The following SUCLG2 variants were observed in gnomAD, a reference collection of about 807,000 sequenced individuals.
SUCLG2 encodes succinate--CoA ligase [GDP-forming] subunit beta, mitochondrial.
In SUCLG2, 42 loss-of-function variants were observed where a neutral mutation model predicts 47.9. The observed-to-expected ratio is 0.88, with a 90% CI of 0.69 to 1.14. The LOEUF (loss-of-function observed/expected upper bound fraction) is 1.14. SUCLG2 is among the 50% of genes most tolerant of loss of function. SUCLG2 has a pLI of 0.00. For synonymous variants in SUCLG2, 195 were observed against 197.3 expected (o/e 0.99, Z 0.10); for missense variants, 571 against 525.9 (o/e 1.09, Z -0.84).
chr3:67,382,472 G>A (rs943231672), intron 10 of SUCLG2, among the ~76,000 whole-genome samples: 1 of 152,164 alleles, frequency 6.6e-6, no homozygotes, highest in African/African-American at 2.4e-5. Flanking sequence ...ACCCTGACAG[G>A]TCTGATTCTT....
At chr3:67,584,466 A>G (rs1193034396) in intron 2 of SUCLG2, among the ~76,000 whole-genome samples, 2 of 152,252 alleles carry the variant, frequency 1.3e-5, no homozygotes, top group Non-Finnish European at 2.9e-5. Flanking sequence ...TGATGGTTAT[A>G]TAACTTGGTA....
intron 2 of SUCLG2, among the ~76,000 whole-genome samples, chr3:67,572,966 G>A (rs547641012): frequency 1.3e-5 from 2 of 152,130 alleles, no homozygotes; most frequent in African/African-American, 2.4e-5. Flanking sequence ...AACAAGAAAA[G>A]GAAGGTCACA....
rs1328354014 is a variant in SUCLG2 at position 67,445,011 on chromosome 3, C to CT, written c.1063-44161_1063-44160insA. Among the ~76,000 whole-genome samples the CT allele has an allele frequency of 3.8e-4, 17 of 44,968 alleles. 5 individuals are homozygous for CT. The highest frequency in any genetic ancestry group is 2.0e-3 in the Admixed American group (8 of 3,966). 29.5% of individuals were successfully genotyped at this position (44,968 alleles called of 152,430 possible). A position where few individuals can be genotyped will look rare whatever the true frequency, so the allele number is the denominator to read the frequency against. ...GAGGGAGGTTGGGGGGTCAGCCCCC[C>CT]GCCCGGCCAGCCGCCCCGTCCGGGA... On this transcript the variant is annotated intron_variant, in intron 9 of 10. Transcript: ENST00000307227.
intron 1 of SUCLG2, among the ~76,000 whole-genome samples, chr3:67,631,377 C>T (rs950178545): frequency 6.6e-6 from 1 of 152,128 alleles, no homozygotes; most frequent in Non-Finnish European, 1.5e-5. Context: ...CCTGTACTCT[C>T]AGCACTTTAG....
intron 1 of SUCLG2, among the ~76,000 whole-genome samples, chr3:67,611,906 C>A (rs1256756019): frequency 6.6e-6 from 1 of 152,176 alleles, no homozygotes; most frequent in Non-Finnish European, 1.5e-5. Flanking sequence ...AAAACCAGGA[C>A]AATGAGCACA....
chr3:67,564,190 GC>G (rs1418941352), intron 2 of SUCLG2, among the ~76,000 whole-genome samples: 1 of 152,216 alleles, frequency 6.6e-6, no homozygotes, highest in Non-Finnish European at 1.5e-5. Context: ...CAGAGCGGCT[GC>G]CAGCACAGGA....
At chr3:67,433,279 C>A (rs1003672935) in intron 9 of SUCLG2, among the ~76,000 whole-genome samples, 1 of 152,162 alleles carries the variant, frequency 6.6e-6, no homozygotes, top group Admixed American at 6.5e-5. Flanking sequence ...CCCTGTTTAA[C>A]AAGTTTTAAA....
chr3:67,631,048 T>G (rs1700916945), intron 1 of SUCLG2, among the ~76,000 whole-genome samples: 1 of 152,216 alleles, frequency 6.6e-6, no homozygotes, highest in African/African-American at 2.4e-5. Context: ...GATAAACTTC[T>G]TGAGAGTCCA....
chr3:67,595,183 G>A (rs529744689), intron 2 of SUCLG2, among the ~76,000 whole-genome samples: 6 of 152,178 alleles, frequency 3.9e-5, no homozygotes, highest in Admixed American at 1.3e-4. Flanking sequence ...TCTTGGCAGG[G>A]ACTTCGATGT....
chr3:67,404,379 G>C (rs866811784), intron 9 of SUCLG2, among the ~76,000 whole-genome samples: 2 of 152,040 alleles, frequency 1.3e-5, no homozygotes, highest in Admixed American at 6.6e-5. Context: ...AAGCAGTAAA[G>C]AGAAGGCATG....
intron 2 of SUCLG2, among the ~76,000 whole-genome samples, chr3:67,580,665 G>A (rs1395040263): frequency 6.6e-6 from 1 of 152,138 alleles, no homozygotes; most frequent in Non-Finnish European, 1.5e-5. Context: ...TACTTCCAGG[G>A]TGCGAACGTT....
Position 67,435,131 on chromosome 3 carries a change from C to T in SUCLG2, c.1063-34280G>A, listed in dbSNP as rs146452331. Among the ~76,000 whole-genome samples, 582 of 152,244 alleles carry T rather than the reference C, an allele frequency of 3.8e-3. 5 individuals are homozygous for T. Among genetic ancestry groups the T allele is most frequent in the African/African-American group, 0.013 (554 of 41,518 alleles). ...TCTCCTCCATGGGCTGGTGTAGCTA[C>T]AGCTGACAAAGGTTTGAGGACCACA... On this transcript the variant is annotated intron_variant, in intron 9 of 10. Transcript: ENST00000307227.
In SUCLG2 at chr3:67,375,643, C is replaced by T. The variant is rs1404700995; in HGVS notation, c.*101G>A. ...TCAGTGATTCTTGCCTTCCCCCTCC[C>T]CTTTTCTTCCCCAATGAGATAACCA... is the stretch of plus-strand genomic sequence containing the variant. On this transcript the variant is annotated 3_prime_UTR_variant, in exon 11 of 11. Transcript: ENST00000307227. 6.9e-7 allele frequency: 1 copy of T among 1,457,042 alleles called. No homozygotes were observed. The highest frequency in any genetic ancestry group is 9.1e-7 in the Non-Finnish European group (1 of 1,103,484). The allele number at this position is 1,457,042 out of a possible 1,614,324, so 90.3% of individuals were successfully genotyped here. A position where few individuals can be genotyped will look rare whatever the true frequency, so the allele number is the denominator to read the frequency against.
intron 9 of SUCLG2, among the ~76,000 whole-genome samples, chr3:67,473,789 AT>A (rs1282764640): frequency 6.6e-6 from 1 of 152,244 alleles, no homozygotes; most frequent in African/African-American, 2.4e-5. Context: ...ACTGTGTTTA[AT>A]TAAAACCACT....
rs762529958 is a variant in SUCLG2 at position 67,520,598 on chromosome 3, T to C, written c.454A>G (p.Thr152Ala). The change falls in exon 5 of 11, where the codon ACC becomes GCC. Residue 152 changes from threonine to alanine, a missense_variant. Thr to Ala is a moderately conservative substitution (Grantham distance 58). Coordinates refer to ENST00000307227, the MANE Select transcript of SUCLG2 (RefSeq NM_003848.4). ...VAEALDISRE[T>A]YLAILMDRSC... ...CGGTCCATCAGAATTGCCAGGTAGG[T>C]TTCTCTGGAAATATCCAAGGCTTCA... 6.2e-7 allele frequency: 1 copy of C among 1,613,642 alleles called. No homozygotes were observed. The highest frequency in any genetic ancestry group is 8.5e-7 in the Non-Finnish European group (1 of 1,179,834).
At chr3:67,596,985 A>G (rs993720752) in intron 2 of SUCLG2, among the ~76,000 whole-genome samples, 4 of 152,224 alleles carry the variant, frequency 2.6e-5, no homozygotes, top group African/African-American at 9.6e-5. Context: ...CATCAATGTA[A>G]ACAGAACAAA....
chr3:67,368,765 C>A lies in SUCLG2; in HGVS notation c.1184-7997G>T, dbSNP rs376948902. ...GGATTACAGGTACCCGCCACCACATCCAGCTAGTTTTTGTATTTTTAGTAG... is the reference window on the plus strand; with the variant it reads ...GGATTACAGGTACCCGCCACCACATACAGCTAGTTTTTGTATTTTTAGTAG... On this transcript the variant is annotated intron_variant, in intron 10 of 10. Transcript: ENST00000493112. Among the ~76,000 whole-genome samples the A allele has an allele frequency of 2.6e-5, 4 of 152,188 alleles. No individual in the cohort carries two copies. In the South Asian group the frequency reaches 8.3e-4, roughly 32 times the overall value.
chr3:67,414,454 T>G (rs1426847485), intron 9 of SUCLG2, among the ~76,000 whole-genome samples: 1 of 152,172 alleles, frequency 6.6e-6, no homozygotes, highest in African/African-American at 2.4e-5. Context: ...AAGGGGTGGT[T>G]TCAAACTCAG....
intron 10 of SUCLG2, among the ~76,000 whole-genome samples, chr3:67,363,629 A>C (rs1304708049): frequency 6.6e-6 from 1 of 152,238 alleles, no homozygotes. Flanking sequence ...TGTGAACAGC[A>C]GTAGTAAAGT....
Sources: gnomAD v4.1 joint callset for allele counts (sites outside exome capture counted in the v4.1 genomes callset) on GRCh38, gnomAD v4.1.1 for gene constraint, MANE v1.5 for transcripts, NCBI Gene and HGNC (gene_info 2026-07-23, HGNC 2026-07-21) for gene names.